TMEM132D: variants seen among roughly 807,000 people sequenced by gnomAD.
TMEM132D encodes transmembrane protein 132D.
Under a neutral mutation model 62.3 loss-of-function variants are expected in TMEM132D, and 21 were observed. The ratio of observed to expected loss-of-function variants is 0.34; its 90% CI spans 0.24 to 0.49. The LOEUF (loss-of-function observed/expected upper bound fraction) is 0.49. TMEM132D is among the 20% of genes least tolerant of loss of function. The probability of loss-of-function intolerance (pLI) is 0.99; values close to 1 mark genes in which losing one functional copy is unlikely to be tolerated. For missense variants in TMEM132D, 1,346 were observed against 1,402.8 expected (o/e 0.96, Z 0.65); for synonymous variants, 621 against 575.6 (o/e 1.08, Z -1.13).
chr12:129,798,556 A>T (rs552586475), intron 1 of TMEM132D, among the ~76,000 whole-genome samples: 2 of 152,308 alleles, frequency 1.3e-5, no homozygotes, highest in Non-Finnish European at 2.9e-5. Flanking sequence ...GTTGTCCTCT[A>T]CCATACACTA....
At chr12:129,767,865 A>AG (rs1565978789) in intron 1 of TMEM132D, among the ~76,000 whole-genome samples, 1 of 152,102 alleles carries the variant, frequency 6.6e-6, no homozygotes, top group Non-Finnish European at 1.5e-5. Flanking sequence ...GGTTTAATGA[A>AG]CTCACACTTC....
chr12:129,086,012 G>T (rs1381886620), intron 5 of TMEM132D: 5 of 152,198 alleles, frequency 3.3e-5, no homozygotes, highest in Non-Finnish European at 7.3e-5. Flanking sequence ...TACCTTACTT[G>T]TCAAAAGGTA....
chr12:129,659,066 A>AT (rs1233812217), intron 2 of TMEM132D, among the ~76,000 whole-genome samples: 2 of 140,338 alleles, frequency 1.4e-5, no homozygotes, highest in African/African-American at 5.6e-5. Flanking sequence ...ATACATGGCT[A>AT]ATTTTTTTTT....
intron 2 of TMEM132D, among the ~76,000 whole-genome samples, chr12:129,546,671 T>C (rs374433041): frequency 6.6e-6 from 1 of 151,838 alleles, no homozygotes; most frequent in Admixed American, 6.6e-5. Flanking sequence ...CGTGGTGGCA[T>C]ACACCTGTAA....
At chr12:129,609,426 C>A (rs1465536174) in intron 2 of TMEM132D, among the ~76,000 whole-genome samples, 3 of 152,068 alleles carry the variant, frequency 2.0e-5, no homozygotes, top group Non-Finnish European at 4.4e-5. Context: ...CCTTTAAAAA[C>A]CCCCGTGGCA....
chr12:129,501,178 T>C (rs997662716), intron 3 of TMEM132D, among the ~76,000 whole-genome samples: 4 of 152,112 alleles, frequency 2.6e-5, no homozygotes, highest in Non-Finnish European at 5.9e-5. Context: ...ATATTTAAAA[T>C]GACAACCAAA....
intron 1 of TMEM132D, among the ~76,000 whole-genome samples, chr12:129,902,448 C>A (rs1875392117): frequency 6.6e-6 from 1 of 152,100 alleles, no homozygotes; most frequent in Non-Finnish European, 1.5e-5. Context: ...GCACAAATCA[C>A]ACCATTTCTC....
intron 5 of TMEM132D, among the ~76,000 whole-genome samples, chr12:129,130,292 G>C (rs1876336321): frequency 6.6e-6 from 1 of 150,728 alleles, no homozygotes; most frequent in South Asian, 2.1e-4. Flanking sequence ...TGGAGATAGA[G>C]AGGTTCAGCC....
chr12:129,622,347 G>C (rs1479412026), intron 2 of TMEM132D, among the ~76,000 whole-genome samples: 1 of 152,208 alleles, frequency 6.6e-6, no homozygotes, highest in Non-Finnish European at 1.5e-5. Flanking sequence ...GGGGCAGTCA[G>C]CACGCAGGAG....
intron 5 of TMEM132D, among the ~76,000 whole-genome samples, chr12:129,159,471 A>C (rs1877335810): frequency 6.6e-6 from 1 of 152,086 alleles, no homozygotes; most frequent in Admixed American, 6.5e-5. Context: ...GAAAAGAGAA[A>C]ACTGACCAGA....
At chr12:129,540,644 C>G (rs903943652) in intron 2 of TMEM132D, among the ~76,000 whole-genome samples, 7 of 152,042 alleles carry the variant, frequency 4.6e-5, no homozygotes, top group African/African-American at 1.7e-4. Flanking sequence ...TGCCACTACC[C>G]CCAGCTAATT....
At chr12:129,825,277 C>A (rs965227417) in intron 1 of TMEM132D, among the ~76,000 whole-genome samples, 2 of 152,028 alleles carry the variant, frequency 1.3e-5, no homozygotes, top group African/African-American at 4.8e-5. Flanking sequence ...CTTGGCCCCC[C>A]CAAACTGCTG....
chr12:129,464,031 A>T (rs978871012), intron 3 of TMEM132D, among the ~76,000 whole-genome samples: 23 of 150,794 alleles, frequency 1.5e-4, no homozygotes, highest in Admixed American at 4.0e-4. Flanking sequence ...CTAGTTCTAG[A>T]TCCTTGAGGA....
At chr12:129,596,863 C>T (rs758485796) in intron 2 of TMEM132D, among the ~76,000 whole-genome samples, 5 of 151,816 alleles carry the variant, frequency 3.3e-5, no homozygotes, top group South Asian at 2.1e-4. Flanking sequence ...AGTCTGAACT[C>T]GGTAGGAAAT....
At chr12:129,671,248 G>A (rs1593113956) in intron 2 of TMEM132D, among the ~76,000 whole-genome samples, 1 of 152,272 alleles carries the variant, frequency 6.6e-6, no homozygotes, top group South Asian at 2.1e-4. Flanking sequence ...ATTCTTGGGG[G>A]AAGAGAATAA....
At chr12:129,830,390 C>T (rs778359272) in intron 1 of TMEM132D, among the ~76,000 whole-genome samples, 3 of 152,112 alleles carry the variant, frequency 2.0e-5, no homozygotes, top group Admixed American at 2.0e-4. Context: ...CCAGGACAAA[C>T]CTGCCTCTCA....
intron 3 of TMEM132D, among the ~76,000 whole-genome samples, chr12:129,504,089 TCAC>T (rs781232165): frequency 1.1e-4 from 16 of 152,108 alleles, no homozygotes; most frequent in East Asian, 5.8e-4. Context: ...ATCACCATTA[TCAC>T]CACAACCATC....
At chr12:129,624,236 G>C (rs1879153842) in intron 2 of TMEM132D, among the ~76,000 whole-genome samples, 1 of 152,110 alleles carries the variant, frequency 6.6e-6, no homozygotes, top group South Asian at 2.1e-4. Context: ...TACTGTTGTG[G>C]ATATCCATCT....
intron 5 of TMEM132D, among the ~76,000 whole-genome samples, chr12:129,177,565 C>T (rs1021509046): frequency 6.6e-6 from 1 of 152,048 alleles, no homozygotes; most frequent in Non-Finnish European, 1.5e-5. Context: ...CAAGACCAGC[C>T]TGGACAACAT....
Sources: allele counts gnomAD v4.1 joint callset (sites outside exome capture counted in the v4.1 genomes callset), GRCh38; gene constraint gnomAD v4.1.1; transcripts MANE v1.5; gene names NCBI Gene and HGNC (gene_info 2026-07-23, HGNC 2026-07-21).